The following FRMD4A variants were observed in gnomAD, a reference collection of about 807,000 sequenced individuals.
The protein encoded by FRMD4A is FERM domain-containing protein 4A.
FRMD4A carries 29 observed loss-of-function variants against 129.1 expected under a neutral mutation model. The observed-to-expected ratio is 0.22, with a 90% CI of 0.17 to 0.31. FRMD4A has a LOEUF of 0.31. FRMD4A is among the 10% of genes least tolerant of loss of function. The pLI is 1.00. For synonymous variants in FRMD4A, 634 were observed against 571.6 expected (o/e 1.11, Z -1.56); for missense variants, 1,272 against 1,375.8 (o/e 0.92, Z 1.19).
chr10:14,036,405 G>T (rs1833504375), intron 2 of FRMD4A, among the ~76,000 whole-genome samples: 1 of 152,196 alleles, frequency 6.6e-6, no homozygotes, highest in Admixed American at 6.5e-5. Context: ...AAGACGGAAA[G>T]GGAAAGCTGG....
chr10:13,891,551 G>A (rs1331687603), intron 2 of FRMD4A: 1 of 967,096 alleles, frequency 1.0e-6, no homozygotes, highest in Non-Finnish European at 1.2e-6. Flanking sequence ...GGCCCAGCGT[G>A]AAAACACGGA....
intron 2 of FRMD4A, among the ~76,000 whole-genome samples, chr10:14,262,301 G>A (rs1272460972): frequency 1.3e-5 from 2 of 152,166 alleles, no homozygotes; most frequent in African/African-American, 4.8e-5. Flanking sequence ...GTAACCCTGG[G>A]TGAGTTACCC....
intron 23 of FRMD4A, 37 bp downstream of exon 23, chr10:13,654,379 G>A (rs754563506): frequency 3.9e-6 from 5 of 1,292,548 alleles, no homozygotes; most frequent in East Asian, 2.3e-5. Flanking sequence ...ACACTCTTTC[G>A]AGCTGACACA....
intron 8 of FRMD4A, among the ~76,000 whole-genome samples, chr10:13,756,855 G>A (rs971750005): frequency 2.0e-5 from 3 of 152,198 alleles, no homozygotes; most frequent in African/African-American, 7.2e-5. Flanking sequence ...GTGTTGCAAT[G>A]AGACTTCTGT....
intron 13 of FRMD4A, among the ~76,000 whole-genome samples, chr10:13,706,794 T>C (rs1029966351): frequency 2.9e-5 from 4 of 137,178 alleles, no homozygotes; most frequent in Non-Finnish European, 6.4e-5. Flanking sequence ...CAGGGACACA[T>C]GTGGCCAGAT....
intron 12 of FRMD4A, among the ~76,000 whole-genome samples, chr10:13,724,238 A>G (rs1463552338): frequency 6.6e-6 from 1 of 152,062 alleles, no homozygotes; most frequent in Non-Finnish European, 1.5e-5. Flanking sequence ...AATACAAAAC[A>G]TTAGCTGGGC....
At chr10:14,217,378 T>C (rs1843107620) in intron 2 of FRMD4A, among the ~76,000 whole-genome samples, 2 of 152,122 alleles carry the variant, frequency 1.3e-5, no homozygotes, top group African/African-American at 4.8e-5. Flanking sequence ...CATAATGTTT[T>C]CATGGTGGTG....
chr10:13,956,687 G>A (rs1565109959), intron 2 of FRMD4A, among the ~76,000 whole-genome samples: 1 of 152,298 alleles, frequency 6.6e-6, no homozygotes, highest in East Asian at 1.9e-4. Context: ...TGGATGTATG[G>A]CTGTGTATTT....
At chr10:13,702,505 T>G (rs1294349515) in intron 13 of FRMD4A, among the ~76,000 whole-genome samples, 4 of 151,704 alleles carry the variant, frequency 2.6e-5, no homozygotes, top group East Asian at 1.9e-4. Context: ...ATAGGCAGAT[T>G]ATTTTGCAAA....
At chr10:14,203,217 G>A (rs1224376590) in intron 2 of FRMD4A, among the ~76,000 whole-genome samples, 1 of 152,064 alleles carries the variant, frequency 6.6e-6, no homozygotes, top group African/African-American at 2.4e-5. Flanking sequence ...GATTTTTATT[G>A]CAGCATATAT....
At chr10:14,033,800 GAGAC>G (rs1809461768) in intron 2 of FRMD4A, among the ~76,000 whole-genome samples, 1 of 149,062 alleles carries the variant, frequency 6.7e-6, no homozygotes, top group African/African-American at 2.5e-5. Flanking sequence ...GAGAGAGAGA[GAGAC>G]AGAGAGAGAA....
At chr10:14,003,176 C>T (rs567906722) in intron 2 of FRMD4A, among the ~76,000 whole-genome samples, 7 of 152,158 alleles carry the variant, frequency 4.6e-5, no homozygotes, top group Admixed American at 6.5e-5. Context: ...GAGATGGTGG[C>T]GGGCTGCACC....
intron 2 of FRMD4A, among the ~76,000 whole-genome samples, chr10:14,111,083 C>T (rs4750464): frequency 0.012 from 1,817 of 152,260 alleles, 12 homozygotes; most frequent in Non-Finnish European, 0.019. Flanking sequence ...TACAAGTAAT[C>T]GCCTAAACAT....
chr10:13,747,665 C>T (rs2135074823), intron 9 of FRMD4A, 71 bp downstream of exon 9: 1 of 801,740 alleles, frequency 1.2e-6, no homozygotes, highest in Non-Finnish European at 2.2e-6. Flanking sequence ...AGGGAGGGTA[C>T]ATTCAGTTGT....
At chr10:13,777,791 A>ATTTTTTTT (rs34059772) in intron 6 of FRMD4A, among the ~76,000 whole-genome samples, 1 of 85,984 alleles carries the variant, frequency 1.2e-5, no homozygotes, top group African/African-American at 4.4e-5. Context: ...CTTTGGGTCA[A>ATTTTTTTT]TTTTTTTTTT....
At position 13,796,550 on chromosome 10, in the gene FRMD4A, A is replaced by C; in HGVS notation, c.245T>G (p.Leu82Trp). 1 of 1,604,512 alleles carries C rather than the reference A, an allele frequency of 6.2e-7. No homozygotes were observed. Among genetic ancestry groups the C allele is most frequent in the Non-Finnish European group, 8.5e-7 (1 of 1,171,236 alleles). Reference sequence around the variant, plus strand: ...TGACTTTTTAGGGAAGTCATGTTCCAATACTCTTCGATCTAGCTGAAGCCA... The same window carrying C: ...TGACTTTTTAGGGAAGTCATGTTCCCATACTCTTCGATCTAGCTGAAGCCA... ...LNWLQLDRRVLEHDFPKKSGP... is the reference protein window; with the variant it reads ...LNWLQLDRRVWEHDFPKKSGP... Residue 82 changes from leucine to tryptophan, a missense_variant, in exon 5 of 25, where the codon TTG becomes TGG. By Grantham distance (61) the Leu-to-Trp change is moderately conservative (BLOSUM62 -2). Transcript: ENST00000357447.
At chr10:13,798,997 C>T (rs1320246904) in intron 4 of FRMD4A, among the ~76,000 whole-genome samples, 2 of 152,148 alleles carry the variant, frequency 1.3e-5, no homozygotes, top group Non-Finnish European at 2.9e-5. Flanking sequence ...TCAGCTCTCA[C>T]GTCTCCGCTC....
intron 20 of FRMD4A, 30 bp from the exon 21 acceptor site, chr10:13,659,520 C>G: frequency 6.3e-7 from 1 of 1,598,960 alleles, no homozygotes; most frequent in South Asian, 1.1e-5. Flanking sequence ...ACGTGGTCAC[C>G]GCCAGACAGA....
intron 2 of FRMD4A, among the ~76,000 whole-genome samples, chr10:14,256,767 G>A (rs1028887525): frequency 5.9e-5 from 9 of 152,100 alleles, no homozygotes; most frequent in Non-Finnish European, 1.2e-4. Context: ...AGGATTGCTT[G>A]AGGCCAGAAG....
Sources: allele counts gnomAD v4.1 joint callset (sites outside exome capture counted in the v4.1 genomes callset), GRCh38; gene constraint gnomAD v4.1.1; transcripts MANE v1.5; gene names NCBI Gene and HGNC (gene_info 2026-07-23, HGNC 2026-07-21).